LAMA1: variants seen among roughly 807,000 people sequenced by gnomAD.
LAMA1 encodes laminin subunit alpha-1.
LAMA1 carries 219 observed loss-of-function variants against 348.7 expected under a neutral mutation model. That is an observed-to-expected ratio of 0.63 (90% CI 0.56 to 0.70). The LOEUF is 0.70. LAMA1 is among the 30% of genes least tolerant of loss of function. LAMA1 has a pLI of 0.00. For synonymous variants in LAMA1, 1,487 were observed against 1,491.0 expected, an observed-to-expected ratio of 1.00 and a Z score of 0.06; for missense variants, 3,744 against 3,888.0, an observed-to-expected ratio of 0.96 and a Z score of 0.99.
At chr18:7,012,188 AT>A in intron 23 of LAMA1, 50 bp from the exon 24 acceptor site, 1 of 1,581,450 alleles carries the variant, frequency 6.3e-7, no homozygotes, top group Non-Finnish European at 8.7e-7. Flanking sequence ...AAGAGATGTG[AT>A]TTCTGAACAA....
At chr18:7,099,034 A>G (rs536382165) in intron 1 of LAMA1, among the ~76,000 whole-genome samples, 17 of 152,210 alleles carry the variant, frequency 1.1e-4, no homozygotes, top group African/African-American at 3.6e-4. Context: ...AAGGGGGGAA[A>G]GGCGGGGAAA....
intron 19 of LAMA1, among the ~76,000 whole-genome samples, chr18:7,019,034 G>T (rs2057903316): frequency 6.6e-6 from 1 of 152,060 alleles, no homozygotes; most frequent in Non-Finnish European, 1.5e-5. Flanking sequence ...GGACTCTGCT[G>T]CTAACTCCCC....
intron 1 of LAMA1, among the ~76,000 whole-genome samples, chr18:7,095,122 T>TC (rs2058255531): frequency 7.9e-6 from 1 of 126,530 alleles, no homozygotes; most frequent in Non-Finnish European, 1.6e-5. Context: ...CTCAGGACCT[T>TC]TCTCTCTCTC....
intron 26 of LAMA1, 93 bp downstream of exon 26, chr18:7,010,107 G>T (rs530084842): frequency 1.4e-6 from 2 of 1,445,910 alleles, no homozygotes; most frequent in Non-Finnish European, 1.9e-6. Context: ...GTACCTGGCT[G>T]CTCATTCTCT....
chr18:7,080,071 T>G lies in LAMA1; in HGVS notation c.249A>C (p.Ser83=), dbSNP rs1179980827. 2 of 1,612,010 alleles carry G rather than the reference T, an allele frequency of 1.2e-6. No individual in the cohort carries two copies. The highest frequency in any genetic ancestry group is 1.7e-6 in the Non-Finnish European group (2 of 1,178,002). Residue 83 remains serine (S), a synonymous_variant, in exon 3 of 63, where the codon TCA becomes TCC. Coordinates refer to ENST00000389658, the MANE Select transcript of LAMA1 (RefSeq NM_005559.4). ...AGTTATTGGTGCCATCTATGGCATGTGATATTGGATGGCGTTCTGTTGAAA... is the reference window on the plus strand; with the variant it reads ...AGTTATTGGTGCCATCTATGGCATGGGATATTGGATGGCGTTCTGTTGAAA... ...SANPRERHPI[S]HAIDGTNNWW...
chr18:7,000,824 T>G (rs961839967), intron 30 of LAMA1, among the ~76,000 whole-genome samples: 7 of 152,146 alleles, frequency 4.6e-5, no homozygotes, highest in Non-Finnish European at 8.8e-5. Flanking sequence ...CTTCCGACTC[T>G]TTTTCCTCCT....
intron 16 of LAMA1, 104 bp from the exon 17 acceptor site, chr18:7,026,210 C>T (rs2057942464): frequency 7.1e-7 from 1 of 1,409,704 alleles, no homozygotes; most frequent in Non-Finnish European, 9.8e-7. Context: ...AGACAAAATG[C>T]TAAAACCAGT....
chr18:7,034,089 G>A (rs147157770), intron 14 of LAMA1, among the ~76,000 whole-genome samples: 3 of 152,238 alleles, frequency 2.0e-5, no homozygotes, highest in Non-Finnish European at 4.4e-5. Flanking sequence ...TTGTCCTCCC[G>A]AAAGTAATCA....
chr18:6,959,936 T>C, intron 53 of LAMA1: 1 of 247,396 alleles, frequency 4.0e-6, no homozygotes, highest in South Asian at 5.1e-5. Context: ...TGTTTAAAGC[T>C]TTTAATTTTT....
intron 1 of LAMA1, among the ~76,000 whole-genome samples, chr18:7,089,511 C>T (rs1361684187): frequency 6.6e-6 from 1 of 152,192 alleles, no homozygotes; most frequent in Non-Finnish European, 1.5e-5. Flanking sequence ...GCCAGGAGGC[C>T]CATGACCTCT....
intron 24 of LAMA1, 77 bp from the exon 25 acceptor site, chr18:7,011,556 ATT>A: frequency 7.5e-7 from 1 of 1,330,216 alleles, no homozygotes; most frequent in Non-Finnish European, 1.1e-6. Context: ...AGATTCCATC[ATT>A]GTTTCACAGA....
chr18:7,066,251 C>T (rs1307454734), intron 3 of LAMA1, among the ~76,000 whole-genome samples: 1 of 152,146 alleles, frequency 6.6e-6, no homozygotes, highest in African/African-American at 2.4e-5. Context: ...GACGTGGATA[C>T]AAATCGACAC....
chr18:7,033,888 C>T (rs2057982606), intron 14 of LAMA1, among the ~76,000 whole-genome samples: 1 of 152,036 alleles, frequency 6.6e-6, no homozygotes, highest in Non-Finnish European at 1.5e-5. Flanking sequence ...GCATGCGCCA[C>T]CATGCCTGGC....
intron 3 of LAMA1, among the ~76,000 whole-genome samples, chr18:7,061,939 G>A (rs2058103432): frequency 6.6e-6 from 1 of 152,148 alleles, no homozygotes; most frequent in Non-Finnish European, 1.5e-5. Flanking sequence ...AGCTGTCCCC[G>A]AGTTAGGCAA....
At position 7,016,493 on chromosome 18, in the gene LAMA1, G is replaced by A. The variant is rs1555653306; in HGVS notation, c.2987C>T (p.Thr996Ile). The change falls in exon 21 of 63, where the codon ACA (threonine) becomes ATA (isoleucine). Residue 996 changes from threonine to isoleucine, a missense_variant and splice_region_variant. Coordinates refer to ENST00000389658, the MANE Select transcript of LAMA1 (RefSeq NM_005559.4). ...CAAACAAGGAAATCAAGGCTTACGTGTACAGCTACCATCCTGGTAGGCGTA... is the reference window on the plus strand; with the variant it reads ...CAAACAAGGAAATCAAGGCTTACGTATACAGCTACCATCCTGGTAGGCGTA... ...GFYAYQDGSCTPCDCPHTQNT... is the reference protein window; with the variant it reads ...GFYAYQDGSCIPCDCPHTQNT... 8.1e-6 allele frequency: 13 copies of A among 1,614,190 alleles called. No individual in the cohort carries two copies. In the Admixed American group the frequency reaches 2.2e-4, roughly 27 times the overall value.
intron 36 of LAMA1, among the ~76,000 whole-genome samples, chr18:6,990,631 C>T (rs950131046): frequency 6.6e-6 from 1 of 152,156 alleles, no homozygotes; most frequent in Non-Finnish European, 1.5e-5. Context: ...CTCTCAAATT[C>T]GATGCAAACT....
chr18:7,025,884 T>C, intron 17 of LAMA1, 95 bp downstream of exon 17: 1 of 1,503,200 alleles, frequency 6.7e-7, no homozygotes, highest in South Asian at 1.2e-5. Flanking sequence ...CACACACGTA[T>C]TACACACACA....
intron 3 of LAMA1, among the ~76,000 whole-genome samples, chr18:7,067,470 G>GAA (rs11290664): frequency 7.0e-6 from 1 of 142,718 alleles, no homozygotes; most frequent in Non-Finnish European, 1.5e-5. Flanking sequence ...CTTCCAAAGT[G>GAA]AAAAAAAAAA....
intron 3 of LAMA1, among the ~76,000 whole-genome samples, chr18:7,071,189 G>A (rs1488914714): frequency 2.0e-5 from 3 of 152,202 alleles, no homozygotes; most frequent in African/African-American, 7.2e-5. Context: ...CAGAGGTCCT[G>A]GTTTCCAGGC....
Sources: gnomAD v4.1 joint callset for allele counts (sites outside exome capture counted in the v4.1 genomes callset) on GRCh38, gnomAD v4.1.1 for gene constraint, MANE v1.5 for transcripts, NCBI Gene and HGNC (gene_info 2026-07-23, HGNC 2026-07-21) for gene names.